The following NLRP7 variants were observed in gnomAD, a reference collection of about 807,000 sequenced individuals.
The protein encoded by NLRP7 is NLR family pyrin domain containing 7.
Under a neutral mutation model 85.5 loss-of-function variants are expected in NLRP7, and 72 were observed. That is an observed-to-expected ratio of 0.84 (90% confidence interval 0.70 to 1.02). The LOEUF (loss-of-function observed/expected upper bound fraction) is 1.02, where lower values mean the gene tolerates loss of function less well. Among genes scored for constraint, NLRP7 ranks in the 50% least tolerant of loss-of-function variants. NLRP7 has a pLI of 0.00. For missense variants in NLRP7, 1,243 were observed against 1,219.5 expected (o/e 1.02, Z -0.29); for synonymous variants, 550 against 505.2 (o/e 1.09, Z -1.19).
rs104895506 is a variant in NLRP7 at position 54,938,096 on chromosome 19, G to A, written c.2077C>T (p.Arg693Trp). 325 of 1,613,926 alleles carry A rather than the reference G, an allele frequency of 2.0e-4. 1 individual carries two copies. The highest frequency in any genetic ancestry group is 1.6e-4 in the Middle Eastern group (1 of 6,084). The stretch of plus-strand genomic sequence containing the variant: ...CGGGTTACGTGGTCACAAAGAATCC[G>A]CACAGAAGAGTCACTCAGGAAGCTT... Residue 693 changes from arginine (R) to tryptophan (W), a missense_variant, in exon 5 of 10, where the codon CGG (arginine) becomes TGG (tryptophan). Physicochemically the swap from Arg to Trp is moderately radical, Grantham distance 101 (BLOSUM62 -3). Coordinates refer to ENST00000340844, the Ensembl canonical transcript of NLRP7.
exon 10 of NLRP7, chr19:54,923,864 G>A (rs1420353804): frequency 6.2e-7 from 1 of 1,613,646 alleles, no homozygotes; most frequent in East Asian, 2.2e-5. Context: ...AGTTTCATAG[G>A]TCTTCAACCT....
chr19:54,938,298 A>T, intron 4 of NLRP7, 57 bp from the exon 5 acceptor site: 1 of 1,413,198 alleles, frequency 7.1e-7, no homozygotes, highest in Non-Finnish European at 1.0e-6. Context: ...TGAGATGGGC[A>T]TCTGCAAACC....
At chr19:54,938,058 A>G (rs1305627347) in exon 5 of NLRP7, 2 of 1,613,808 alleles carry the variant, frequency 1.2e-6, no homozygotes, top group African/African-American at 1.3e-5. Flanking sequence ...CTTTCTGCAG[A>G]TGACAGGTGC....
intron 1 of NLRP7, among the ~76,000 whole-genome samples, chr19:54,961,551 C>T (rs1204887628): frequency 1.3e-5 from 2 of 150,922 alleles, no homozygotes; most frequent in East Asian, 2.0e-4. Flanking sequence ...AAAAAAGGTA[C>T]TGTGGCTGGG....
chr19:54,943,017 G>A (rs2069300512), intron 1 of NLRP7, among the ~76,000 whole-genome samples: 1 of 151,936 alleles, frequency 6.6e-6, no homozygotes, highest in South Asian at 2.1e-4. Flanking sequence ...TGTAGTGGTA[G>A]GAACCTGTAA....
rs146805410 is a variant in NLRP7 at position 54,956,039 on chromosome 19, C to A, written c.-76-8534G>T. ...CCTGTAGTCCCAGCTACTCAGGAGG[C>A]CAAGGCAGGAGGATCACTTGAGACT... On this transcript the variant is annotated intron_variant, in intron 1 of 2. Coordinates refer to the NLRP7 transcript ENST00000587103. 3.3e-5 allele frequency among the ~76,000 whole-genome samples: 5 copies of A among 151,956 alleles called. No homozygotes were observed. The East Asian group carries it at 9.7e-4, about 29-fold the overall frequency.
intron 9 of NLRP7, 46 bp from the exon 11 acceptor site, chr19:54,923,918 A>G (rs1203995353): frequency 6.2e-7 from 1 of 1,603,096 alleles, no homozygotes; most frequent in Admixed American, 1.7e-5. Context: ...TTCATTCTCA[A>G]CTACCCAGGA....
intron 9 of NLRP7, 115 bp from the exon 11 acceptor site, chr19:54,923,987 G>A (rs2068329625): frequency 2.6e-6 from 3 of 1,157,300 alleles, no homozygotes; most frequent in Middle Eastern, 1.9e-4. Flanking sequence ...ATTTTCTGGG[G>A]GACAGGGTCT....
chr19:54,931,629 G>A (rs938269797), intron 8 of NLRP7, among the ~76,000 whole-genome samples: 2 of 150,964 alleles, frequency 1.3e-5, no homozygotes, highest in African/African-American at 2.4e-5. Flanking sequence ...CGGAGGTTGT[G>A]GTGAGCAGAG....
intron 1 of NLRP7, among the ~76,000 whole-genome samples, chr19:54,962,659 G>A (rs1289972890): frequency 1.3e-5 from 2 of 151,154 alleles, no homozygotes; most frequent in East Asian, 2.0e-4. Context: ...GAGTGCAGTG[G>A]CGCGATCTCA....
intron 1 of NLRP7, among the ~76,000 whole-genome samples, chr19:54,952,700 AAC>A (rs2069709959): frequency 1.3e-5 from 2 of 152,094 alleles, no homozygotes. Flanking sequence ...TCTCTTCTGC[AAC>A]ACAGTGACCC....
intron 1 of NLRP7, among the ~76,000 whole-genome samples, chr19:54,957,346 C>CTTTTTTTT (rs369473061): frequency 7.8e-6 from 1 of 128,060 alleles, no homozygotes; most frequent in African/African-American, 3.1e-5. Flanking sequence ...TCTTCTTCTT[C>CTTTTTTTT]TTTTTTTTTT....
intron 1 of NLRP7, among the ~76,000 whole-genome samples, chr19:54,945,770 T>C (rs1368857314): frequency 6.6e-6 from 1 of 151,206 alleles, no homozygotes; most frequent in Non-Finnish European, 1.5e-5. Flanking sequence ...GGCTAGTTTT[T>C]GTATTTTTAG....
chr19:54,962,251 A>G (rs1156975502), intron 1 of NLRP7, among the ~76,000 whole-genome samples: 2 of 143,226 alleles, frequency 1.4e-5, no homozygotes, highest in Non-Finnish European at 3.0e-5. Flanking sequence ...CATCCTTCCT[A>G]TTCCCTCCAT....
chr19:54,930,385 CTGG>C, intron 9 of NLRP7, 111 bp downstream of exon 9: 1 of 745,460 alleles, frequency 1.3e-6, no homozygotes, highest in Non-Finnish European at 2.3e-6. Flanking sequence ...CCGATCAAGC[CTGG>C]AAGACCGAAG....
chr19:54,952,214 C>G (rs2069691366), upstream of NLRP7, among the ~76,000 whole-genome samples: 1 of 151,962 alleles, frequency 6.6e-6, no homozygotes, highest in Admixed American at 6.6e-5. Context: ...GGAATGGGAT[C>G]AGCATGAGAA....
chr19:54,936,152 T>C, intron 6 of NLRP7, 109 bp downstream of exon 6: 1 of 945,152 alleles, frequency 1.1e-6, no homozygotes, highest in Non-Finnish European at 1.7e-6. Flanking sequence ...GAGGAATACA[T>C]TCCCTGTCTG....
chr19:54,962,841 C>T (rs1410532954), intron 1 of NLRP7, among the ~76,000 whole-genome samples: 3 of 151,592 alleles, frequency 2.0e-5, no homozygotes, highest in African/African-American at 2.4e-5. Context: ...CCTCGTGATC[C>T]GCCCGCCTCG....
intron 9 of NLRP7, among the ~76,000 whole-genome samples, chr19:54,926,614 T>C (rs916894508): frequency 5.3e-5 from 8 of 151,876 alleles, no homozygotes; most frequent in Admixed American, 3.9e-4. Context: ...ACCCCATCTC[T>C]ACTAAAAACT....
Sources: gnomAD v4.1 joint callset for allele counts (sites outside exome capture counted in the v4.1 genomes callset) on GRCh38, gnomAD v4.1.1 for gene constraint, MANE v1.5 for transcripts, NCBI Gene and HGNC (gene_info 2026-07-23, HGNC 2026-07-21) for gene names.